Variants in SHROOM3 observed in about 807,000 individuals in gnomAD.
The protein encoded by SHROOM3 is protein Shroom3.
In SHROOM3, 47 loss-of-function variants were observed where a neutral mutation model predicts 138.6. The ratio of observed to expected loss-of-function variants is 0.34; its 90% CI spans 0.27 to 0.43. The LOEUF is 0.43. SHROOM3 is among the 20% of genes least tolerant of loss of function. SHROOM3 has a pLI of 1.00. For missense variants in SHROOM3, 2,491 were observed against 2,596.5 expected, an observed-to-expected ratio of 0.96 and a Z score of 0.88; for synonymous variants, 1,062 against 1,063.3, an observed-to-expected ratio of 1.00 and a Z score of 0.02.
chr4:76,724,458 A>G (rs1322620549), intron 3 of SHROOM3, among the ~76,000 whole-genome samples: 1 of 152,136 alleles, frequency 6.6e-6, no homozygotes, highest in Non-Finnish European at 1.5e-5. Flanking sequence ...TTAACTCTCA[A>G]GCTACAGTGA....
rs769203504 is a variant in SHROOM3, at chr4:76,740,369, G to A, written c.2196G>A (p.Ser732=). Residue 732 remains serine (S), a synonymous_variant, in exon 5 of 11, where the codon TCG becomes TCA. Transcript: ENST00000296043. This position sits in a 1 kb window ranked among gnomAD's most constrained non-coding sequence, Gnocchi z 4.0. ...GGCCCGAGGGGAGGACCGGTGCCTC[G>A]GCTTCTTTCAACAGCACAGACCCAA... ...YPRPEGRTGA[S]ASFNSTDPSP... 1.6e-5 allele frequency: 25 copies of A among 1,612,894 alleles called. No individual in the cohort carries two copies. Among genetic ancestry groups the A allele is most frequent in the Non-Finnish European group, 1.9e-5 (22 of 1,179,998 alleles).
intron 10 of SHROOM3, among the ~76,000 whole-genome samples, chr4:76,776,238 T>C (rs533917595): frequency 4.6e-4 from 70 of 152,318 alleles, no homozygotes; most frequent in African/African-American, 1.6e-3. Flanking sequence ...GTTTTTCACG[T>C]TTGTTGACCA....
intron 1 of SHROOM3, among the ~76,000 whole-genome samples, chr4:76,455,916 G>A (rs1399229344): frequency 2.0e-5 from 3 of 152,034 alleles, no homozygotes; most frequent in Admixed American, 6.6e-5. Flanking sequence ...TACCCTACAG[G>A]TACCAAAACC....
chr4:76,436,014 A>C lies in SHROOM3; in HGVS notation c.-39A>C. The stretch of plus-strand genomic sequence containing the variant: ...AGCACTGCTTGCCTGAGTTTGCTTC[A>C]GGCATTTTAAATTTAACTTGAGGGA... On this transcript the variant is annotated 5_prime_UTR_variant, in exon 1 of 11. Coordinates refer to ENST00000296043, the MANE Select transcript of SHROOM3 (RefSeq NM_020859.4). 1 of 1,611,486 alleles carries C rather than the reference A, an allele frequency of 6.2e-7. No homozygotes were observed. Among genetic ancestry groups the C allele is most frequent in the Non-Finnish European group, 8.5e-7 (1 of 1,178,308 alleles).
intron 1 of SHROOM3, among the ~76,000 whole-genome samples, chr4:76,544,441 G>A (rs71607363): frequency 1.2e-5 from 1 of 84,538 alleles, no homozygotes; most frequent in Admixed American, 1.6e-4. Context: ...TTTTGATGCA[G>A]AGTCTCACTC....
intron 10 of SHROOM3, among the ~76,000 whole-genome samples, chr4:76,775,980 G>A (rs1722551410): frequency 6.6e-6 from 1 of 151,794 alleles, no homozygotes; most frequent in African/African-American, 2.4e-5. Context: ...TCTTTTCTCT[G>A]GATAGATACC....
intron 1 of SHROOM3, among the ~76,000 whole-genome samples, chr4:76,550,367 A>G (rs1733324137): frequency 6.6e-6 from 1 of 152,222 alleles, no homozygotes; most frequent in East Asian, 1.9e-4. Context: ...CAGATAGGGC[A>G]TGGTCAGAAA....
At chr4:76,662,579 C>A (rs144571782) in intron 2 of SHROOM3, among the ~76,000 whole-genome samples, 70 of 152,300 alleles carry the variant, frequency 4.6e-4, no homozygotes, top group African/African-American at 1.6e-3. Flanking sequence ...CCTTCACAAT[C>A]GATGTTTGAA....
At chr4:76,637,462 A>G (rs1032132746) in intron 2 of SHROOM3, 1 of 152,206 alleles carries the variant, frequency 6.6e-6, no homozygotes, top group Non-Finnish European at 1.5e-5. Flanking sequence ...CAGGGAAAAG[A>G]AAGGCCTCAA....
intron 2 of SHROOM3, among the ~76,000 whole-genome samples, chr4:76,661,944 T>C (rs1560583539): frequency 6.6e-6 from 1 of 152,216 alleles, no homozygotes; most frequent in African/African-American, 2.4e-5. Flanking sequence ...CGATTTTCCA[T>C]ACCCTTTTCC....
At chr4:76,629,949 C>T (rs904013782) in intron 2 of SHROOM3, among the ~76,000 whole-genome samples, 15 of 152,216 alleles carry the variant, frequency 9.9e-5, no homozygotes, top group African/African-American at 3.6e-4. Flanking sequence ...ATATATGAAC[C>T]ATGAAATTTC....
chr4:76,444,079 A>G (rs1222611517), intron 1 of SHROOM3, among the ~76,000 whole-genome samples: 1 of 151,800 alleles, frequency 6.6e-6, no homozygotes, highest in Non-Finnish European at 1.5e-5. Flanking sequence ...GGACACCACC[A>G]CACCCGGCTA....
chr4:76,669,141 C>T (rs554725441), intron 2 of SHROOM3, among the ~76,000 whole-genome samples: 5 of 152,250 alleles, frequency 3.3e-5, no homozygotes, highest in African/African-American at 1.2e-4. Context: ...AGTTATTTTG[C>T]TTTTACTGTT....
chr4:76,700,789 A>G (rs1269864635), intron 2 of SHROOM3, among the ~76,000 whole-genome samples: 1 of 148,898 alleles, frequency 6.7e-6, no homozygotes, highest in African/African-American at 2.5e-5. Flanking sequence ...TTATTTATTT[A>G]TTTATTTTTG....
chr4:76,550,849 T>C (rs548560432), intron 1 of SHROOM3, among the ~76,000 whole-genome samples: 2 of 151,490 alleles, frequency 1.3e-5, no homozygotes, highest in South Asian at 2.1e-4. Context: ...AATAAAAAAA[T>C]TTCCCCAGGC....
intron 1 of SHROOM3, among the ~76,000 whole-genome samples, chr4:76,475,843 C>T (rs997609271): frequency 6.6e-6 from 1 of 152,120 alleles, no homozygotes; most frequent in Non-Finnish European, 1.5e-5. Context: ...TCATTGTTTA[C>T]AATAGCTTTC....
chr4:76,518,996 C>T (rs539113454), intron 1 of SHROOM3, among the ~76,000 whole-genome samples: 2 of 152,282 alleles, frequency 1.3e-5, no homozygotes, highest in East Asian at 3.9e-4. Flanking sequence ...ATTCACACCA[C>T]AGTCTGGGTA....
At chr4:76,559,755 T>C (rs1560545840) in intron 2 of SHROOM3, among the ~76,000 whole-genome samples, 1 of 152,140 alleles carries the variant, frequency 6.6e-6, no homozygotes. Flanking sequence ...CAATAAAAAG[T>C]AGAAACACCT....
chr4:76,759,864 A>AT (rs1471803131), intron 9 of SHROOM3, among the ~76,000 whole-genome samples, 169 bp downstream of exon 9: 1 of 152,120 alleles, frequency 6.6e-6, no homozygotes, highest in Admixed American at 6.5e-5. Flanking sequence ...ACTTTAACTA[A>AT]TTTCCTCTTA....
Sources: gnomAD v4.1 joint callset for allele counts (sites outside exome capture counted in the v4.1 genomes callset) on GRCh38, gnomAD v4.1.1 for gene constraint, Gnocchi (gnomAD v3.1) non-coding constraint, MANE v1.5 for transcripts, NCBI Gene and HGNC (gene_info 2026-07-23, HGNC 2026-07-21) for gene names.